ZNF253: variants seen among roughly 807,000 people sequenced by gnomAD.
ZNF253 encodes the protein zinc finger protein 253.
Under a neutral mutation model 11.9 loss-of-function variants are expected in ZNF253, and 8 were observed. The ratio of observed to expected loss-of-function variants is 0.67; its 90% CI spans 0.40 to 1.22. The LOEUF (loss-of-function observed/expected upper bound fraction) is 1.22. ZNF253 is among the 50% of genes most tolerant of loss of function. The pLI, the probability that ZNF253 is intolerant of heterozygous loss-of-function variation, is 0.01. For synonymous variants in ZNF253, 194 were observed against 194.9 expected (o/e 1.00, Z 0.04); for missense variants, 485 against 586.9 (o/e 0.83, Z 1.79).
chr19:19,882,176 C>T (rs536051880), intron 3 of ZNF253, among the ~76,000 whole-genome samples: 2 of 139,634 alleles, frequency 1.4e-5, no homozygotes, highest in Non-Finnish European at 3.0e-5. Flanking sequence ...GCAACAAGAG[C>T]GAAACTCCGT....
chr19:19,882,920 G>A (rs1010018215), intron 3 of ZNF253, among the ~76,000 whole-genome samples: 2 of 150,332 alleles, frequency 1.3e-5, no homozygotes, highest in Non-Finnish European at 2.9e-5. Context: ...GCAATGAGCC[G>A]AGATTGCACC....
chr19:19,885,534 G>A (rs1019119557), intron 3 of ZNF253, among the ~76,000 whole-genome samples: 1 of 151,726 alleles, frequency 6.6e-6, no homozygotes, highest in Non-Finnish European at 1.5e-5. Flanking sequence ...GGGACTATGG[G>A]CGCCCGCCAC....
chr19:19,866,626 G>A (rs2063112424), intron 1 of ZNF253, among the ~76,000 whole-genome samples: 1 of 151,876 alleles, frequency 6.6e-6, no homozygotes, highest in Non-Finnish European at 1.5e-5. Context: ...AGCCTCCCGA[G>A]TAGCTGGGGT....
rs569565329 is a variant in ZNF253 at position 19,877,731 on chromosome 19, T to C, written c.4-750T>C. Among the ~76,000 whole-genome samples, 3 of 152,306 alleles carry C rather than the reference T, an allele frequency of 2.0e-5. No homozygotes were observed. In the East Asian group the frequency reaches 5.8e-4, roughly 29 times the overall value. On this transcript the variant is annotated intron_variant, in intron 1 of 3. Transcript: ENST00000589717. ...TCATAAAAATTTGTCCTAGTGCAGT[T>C]AAGGGTTAATGATTCACTTGGTGAC...
chr19:19,892,028 T>A lies in ZNF253; in HGVS notation c.781T>A (p.Cys261Ser), dbSNP rs773651626. The A allele has an allele frequency of 6.2e-6, 10 of 1,613,696 alleles. No homozygotes were observed. The African/African-American group carries it at 1.3e-4, about 22-fold the overall frequency. ...AGAGAAACCCTACAAATGTGAAGAA[T>A]GTGGCAAAGCCTTCAACCGATCCAC... ...TGEKPYKCEE[C>S]GKAFNRSTDL... Residue 261 changes from cysteine (C) to serine (S), a missense_variant, in exon 4 of 4, where the codon TGT (cysteine) becomes AGT (serine). By Grantham distance (112) the Cys-to-Ser change is moderately radical. Coordinates refer to ENST00000589717, the MANE Select transcript of ZNF253 (RefSeq NM_021047.3).
In ZNF253 at chr19:19,889,267, C is replaced by G. The variant is rs562498363; in HGVS notation, c.227-2207C>G. ...ATTTTAATATTTTTTCTTGTTTATC[C>G]TCATTTTTCTGATCTTCAGTAGTCG... is the stretch of plus-strand genomic sequence containing the variant. On this transcript the variant is annotated intron_variant, in intron 3 of 3. Coordinates refer to ENST00000589717, the MANE Select transcript of ZNF253 (RefSeq NM_021047.3). Among the ~76,000 whole-genome samples, 46 of 150,122 alleles carry G rather than the reference C, an allele frequency of 3.1e-4. 1 individual carries two copies. The South Asian group carries it at 9.7e-3, about 31-fold the overall frequency.
chr19:19,873,444 TCTC>T (rs1421228714), intron 1 of ZNF253, among the ~76,000 whole-genome samples: 1 of 152,088 alleles, frequency 6.6e-6, no homozygotes, highest in Non-Finnish European at 1.5e-5. Flanking sequence ...TCTCTCACAG[TCTC>T]CTAGGTGTAT....
At chr19:19,877,040 T>C (rs1180566122) in intron 1 of ZNF253, among the ~76,000 whole-genome samples, 4 of 152,238 alleles carry the variant, frequency 2.6e-5, no homozygotes, top group African/African-American at 7.2e-5. Flanking sequence ...TCAAGATTTC[T>C]ATTGGGGAAA....
intron 1 of ZNF253, among the ~76,000 whole-genome samples, chr19:19,877,041 A>G (rs1377711962): frequency 1.3e-5 from 2 of 152,208 alleles, no homozygotes; most frequent in South Asian, 2.1e-4. Context: ...CAAGATTTCT[A>G]TTGGGGAAAA....
At chr19:19,880,227 G>T in intron 3 of ZNF253, 81 bp downstream of exon 3, 2 of 982,678 alleles carry the variant, frequency 2.0e-6, no homozygotes, top group Non-Finnish European at 1.4e-6. Flanking sequence ...TCTTTAAAAT[G>T]TGATTCTGGA....
intron 2 of ZNF253, 171 bp downstream of exon 2, chr19:19,878,778 A>G (rs2063165911): frequency 8.6e-6 from 5 of 584,422 alleles, no homozygotes; most frequent in Non-Finnish European, 1.4e-5. Flanking sequence ...TATTATGACC[A>G]CAAAGATAAC....
chr19:19,875,960 C>T (rs138342002), intron 1 of ZNF253, among the ~76,000 whole-genome samples: 246 of 152,266 alleles, frequency 1.6e-3, no homozygotes, highest in Middle Eastern at 0.01. Context: ...TGCATTAGTA[C>T]ATGTGTACAT....
chr19:19,884,057 C>CAAA (rs751875742), intron 3 of ZNF253, among the ~76,000 whole-genome samples: 3 of 66,564 alleles, frequency 4.5e-5, no homozygotes, highest in Non-Finnish European at 1.0e-4. Context: ...AACTCCATCT[C>CAAA]AAAAAAAAAA....
intron 3 of ZNF253, among the ~76,000 whole-genome samples, chr19:19,884,228 T>C (rs1472856695): frequency 6.6e-6 from 1 of 152,200 alleles, no homozygotes; most frequent in East Asian, 1.9e-4. Flanking sequence ...TGTTACATTT[T>C]TTGATATGTT....
In ZNF253 at chr19:19,885,326, C is replaced by CT. The variant is rs1336779849; in HGVS notation, c.226+5183dup. On this transcript the variant is annotated intron_variant, in intron 3 of 3. Coordinates refer to ENST00000589717, the MANE Select transcript of ZNF253 (RefSeq NM_021047.3). ...TCTTTCTTTCTTTCTTTCTTTCTTT[C>CT]TTTCTTTCTTTCTTTCTTTCTTTCT... Among the ~76,000 whole-genome samples the CT allele has an allele frequency of 1.1e-4, 8 of 71,758 alleles. 2 individuals are homozygous for CT. Among genetic ancestry groups the CT allele is most frequent in the African/African-American group, 3.0e-4 (2 of 6,712 alleles). 47.1% of individuals were successfully genotyped at this position (71,758 alleles called of 152,430 possible).
intron 2 of ZNF253, 27 bp from the exon 3 acceptor site, chr19:19,880,024 T>A (rs1427926235): frequency 6.4e-7 from 1 of 1,557,726 alleles, no homozygotes; most frequent in Admixed American, 1.7e-5. Context: ...TGAGCAAGAT[T>A]CATGTTATTT....
rs1599561349 is a variant in ZNF253 at position 19,893,221 on chromosome 19, A to G, written c.*474A>G. The G allele has an allele frequency of 6.3e-6, 1 of 158,414 alleles. No individual in the cohort carries two copies. The highest frequency in any genetic ancestry group is 1.4e-5 in the Non-Finnish European group (1 of 71,896). 9.8% of individuals were successfully genotyped at this position (158,414 alleles called of 1,614,324 possible). A position where few individuals can be genotyped will look rare whatever the true frequency, so the allele number is the denominator to read the frequency against. Reference sequence around the variant, plus strand: ...TCGAACTCCTGACCTCAGGTGATCCACCTGCCTTGGCCTTCCAAAGTGCTG... The same window carrying G: ...TCGAACTCCTGACCTCAGGTGATCCGCCTGCCTTGGCCTTCCAAAGTGCTG... On this transcript the variant is annotated 3_prime_UTR_variant, in exon 4 of 4. Coordinates refer to ENST00000589717, the MANE Select transcript of ZNF253 (RefSeq NM_021047.3).
chr19:19,880,263 C>A, intron 3 of ZNF253, 117 bp downstream of exon 3: 1 of 593,716 alleles, frequency 1.7e-6, no homozygotes, highest in Non-Finnish European at 2.7e-6. Flanking sequence ...GAAATAGGTC[C>A]TGGGCAGCTG....
chr19:19,881,777 A>G lies in ZNF253; in HGVS notation c.226+1631A>G, dbSNP rs548814993. On this transcript the variant is annotated intron_variant, in intron 3 of 3. Coordinates refer to ENST00000589717, the MANE Select transcript of ZNF253 (RefSeq NM_021047.3). Reference sequence around the variant, plus strand: ...TAATATACTGTTTATGGTTTTTTAAATATGTGATTGTATGATCTACAGACA... The same window carrying G: ...TAATATACTGTTTATGGTTTTTTAAGTATGTGATTGTATGATCTACAGACA... Among the ~76,000 whole-genome samples the G allele has an allele frequency of 6.0e-4, 91 of 152,222 alleles. 3 individuals are homozygous for G. Among genetic ancestry groups the G allele is most frequent in the Admixed American group, 3.9e-3 (60 of 15,290 alleles).
Sources: allele counts gnomAD v4.1 joint callset (sites outside exome capture counted in the v4.1 genomes callset), GRCh38; gene constraint gnomAD v4.1.1; transcripts MANE v1.5; gene names NCBI Gene and HGNC (gene_info 2026-07-23, HGNC 2026-07-21).